The following KLHL29 variants were observed in gnomAD, a reference collection of about 807,000 sequenced individuals.
KLHL29 encodes kelch like family member 29, also known as kelch-like protein 29.
In KLHL29, 21 loss-of-function variants were observed where a neutral mutation model predicts 80.4. The observed-to-expected ratio is 0.26, with a 90% CI of 0.19 to 0.38. The LOEUF (loss-of-function observed/expected upper bound fraction) is 0.38, where lower values mean the gene tolerates loss of function less well. Ranked by LOEUF, KLHL29 falls within the 10% of genes least tolerant of loss-of-function variation. The pLI is 1.00. For synonymous variants in KLHL29, 511 were observed against 526.8 expected, an observed-to-expected ratio of 0.97 and a Z score of 0.41; for missense variants, 867 against 1,223.9, an observed-to-expected ratio of 0.71 and a Z score of 4.35.
intron 1 of KLHL29, among the ~76,000 whole-genome samples, chr2:23,389,890 TTAGG>T (rs1450978496): frequency 6.6e-6 from 1 of 152,152 alleles, no homozygotes; most frequent in Non-Finnish European, 1.5e-5. Context: ...TGCTAAAAAA[TTAGG>T]TAGCATAATT....
At chr2:23,675,717 ATAAT>A (rs1218598224) in intron 5 of KLHL29, among the ~76,000 whole-genome samples, 1 of 152,212 alleles carries the variant, frequency 6.6e-6, no homozygotes, top group Non-Finnish European at 1.5e-5. Flanking sequence ...GAGGACCTAA[ATAAT>A]TAATGTGCCA....
intron 3 of KLHL29, among the ~76,000 whole-genome samples, chr2:23,592,137 G>A (rs1558400793): frequency 6.6e-6 from 1 of 152,250 alleles, no homozygotes; most frequent in South Asian, 2.1e-4. Context: ...AGACCCTCTG[G>A]AGGGGCCCAT....
intron 2 of KLHL29, among the ~76,000 whole-genome samples, chr2:23,546,583 G>C (rs1484854081): frequency 6.6e-6 from 1 of 152,146 alleles, no homozygotes; most frequent in Non-Finnish European, 1.5e-5. Flanking sequence ...AAAAGCTTTG[G>C]GCTGACTATA....
At chr2:23,661,863 C>T (rs1032453157) in intron 5 of KLHL29, among the ~76,000 whole-genome samples, 3 of 152,252 alleles carry the variant, frequency 2.0e-5, no homozygotes, top group Admixed American at 6.5e-5. Context: ...GCCAGCCAAA[C>T]GGTGCCTGCC....
At chr2:23,525,539 A>G (rs957224071) in intron 2 of KLHL29, among the ~76,000 whole-genome samples, 3 of 152,150 alleles carry the variant, frequency 2.0e-5, no homozygotes, top group Admixed American at 6.5e-5. Flanking sequence ...ACCAGCAGCC[A>G]AGGGACAGTT....
intron 1 of KLHL29, among the ~76,000 whole-genome samples, chr2:23,450,847 AG>A (rs1293224724): frequency 2.6e-5 from 4 of 152,236 alleles, no homozygotes; most frequent in Non-Finnish European, 5.9e-5. Context: ...CTTATATTAG[AG>A]CATTTTCATC....
Position 23,695,996 on chromosome 2 carries a change from G to T in KLHL29, c.1787G>T (p.Gly596Val). ...IVLVGGRQMV[G>V]MTQRSLVAVT... Reference sequence around the variant, plus strand: ...TTGGTTGGGGGCCGTCAGATGGTGGGGATGACCCAGCGCTCGCTGGTGGCC... The same window carrying T: ...TTGGTTGGGGGCCGTCAGATGGTGGTGATGACCCAGCGCTCGCTGGTGGCC... The change falls in exon 10 of 14, where the codon GGG becomes GTG. Residue 596 changes from glycine (G) to valine (V), a missense_variant. By Grantham distance (109) the Gly-to-Val change is moderately radical. Coordinates refer to ENST00000486442, the MANE Select transcript of KLHL29 (RefSeq NM_052920.2). The surrounding 1 kb of genome is among the most constrained non-coding windows in gnomAD (Gnocchi z 7.6). The T allele has an allele frequency of 6.4e-7, 1 of 1,551,668 alleles. No individual in the cohort carries two copies. Among genetic ancestry groups the T allele is most frequent in the East Asian group, 2.4e-5 (1 of 40,922 alleles).
rs373505631 is a variant in KLHL29 at position 23,596,401 on chromosome 2, T to C, written c.285+33920T>C. On this transcript the variant is annotated intron_variant, in intron 3 of 13. Coordinates refer to ENST00000486442, the MANE Select transcript of KLHL29 (RefSeq NM_052920.2). The surrounding 1 kb of genome is among the most constrained non-coding windows in gnomAD (Gnocchi z 4.4). ...CCGAGCAGAGGTCTTGGTGTCCTGG[T>C]GGCTGCATCCCAGGGGAGAGGAAGG... Among the ~76,000 whole-genome samples the C allele has an allele frequency of 2.0e-3, 304 of 152,314 alleles. 14 individuals are homozygous for C. The South Asian group carries it at 0.059, about 30-fold the overall frequency.
At chr2:23,481,893 G>A (rs912221880) in intron 2 of KLHL29, among the ~76,000 whole-genome samples, 24 of 143,028 alleles carry the variant, frequency 1.7e-4, no homozygotes, top group Non-Finnish European at 3.4e-4. Flanking sequence ...CTGCAATCTG[G>A]GTGACAGGTT....
At position 23,503,706 on chromosome 2, in the gene KLHL29, C is replaced by T. The variant is rs190307275; in HGVS notation, c.-46+28039C>T. Among the ~76,000 whole-genome samples, 381 of 152,294 alleles carry T rather than the reference C, an allele frequency of 2.5e-3. No homozygotes were observed. Among genetic ancestry groups the T allele is most frequent in the African/African-American group, 7.8e-3 (326 of 41,556 alleles). ...CAGGCCCCCATGGATAAAATAGGGC[C>T]ACAGGTGACAAGTGAGTTCTGTGAC... On this transcript the variant is annotated intron_variant, in intron 2 of 13. Coordinates refer to ENST00000486442, the MANE Select transcript of KLHL29 (RefSeq NM_052920.2). The surrounding 1 kb of genome is among the most constrained non-coding windows in gnomAD (Gnocchi z 4.0).
At chr2:23,531,212 G>A (rs760614208) in intron 2 of KLHL29, among the ~76,000 whole-genome samples, 3 of 152,264 alleles carry the variant, frequency 2.0e-5, no homozygotes, top group African/African-American at 2.4e-5. Flanking sequence ...TCATTGCCAC[G>A]TGGTGGCCAG....
chr2:23,551,971 C>A (rs550765321), intron 2 of KLHL29, among the ~76,000 whole-genome samples: 1 of 152,222 alleles, frequency 6.6e-6, no homozygotes, highest in African/African-American at 2.4e-5. Context: ...TTATAAAATG[C>A]GAAGGTCAGT....
chr2:23,483,411 G>T (rs1171617493), intron 2 of KLHL29, among the ~76,000 whole-genome samples: 3 of 152,236 alleles, frequency 2.0e-5, no homozygotes, highest in Admixed American at 2.0e-4. Flanking sequence ...GGGAGACACA[G>T]CCTTGAATGC....
intron 1 of KLHL29, among the ~76,000 whole-genome samples, chr2:23,435,391 T>G (rs1663309661): frequency 6.6e-6 from 1 of 152,124 alleles, no homozygotes; most frequent in Non-Finnish European, 1.5e-5. Flanking sequence ...TGAGCTAGGC[T>G]GGATCAGGGA....
At chr2:23,693,120 CAGGAAGGGGGCCTGCAGG>C in intron 7 of KLHL29, 131 bp from the exon 8 acceptor site, 1 of 935,018 alleles carries the variant, frequency 1.1e-6, no homozygotes, top group Non-Finnish European at 1.5e-6. Flanking sequence ...TCCAGACACC[CAGGAAGGGGGCCTGCAGG>C]GACTCTGGAC....
intron 2 of KLHL29, among the ~76,000 whole-genome samples, chr2:23,546,249 A>T (rs908272819): frequency 3.3e-5 from 5 of 152,204 alleles, no homozygotes; most frequent in Non-Finnish European, 5.9e-5. Flanking sequence ...CACCCAGGCA[A>T]CTGGCAGGGG....
At chr2:23,611,948 A>G (rs985597817) in intron 3 of KLHL29, among the ~76,000 whole-genome samples, 2 of 152,088 alleles carry the variant, frequency 1.3e-5, no homozygotes, top group African/African-American at 4.8e-5. Context: ...TTAAGTAAAG[A>G]GAGACCAGAG....
chr2:23,406,930 TA>T (rs1192019813), intron 1 of KLHL29, among the ~76,000 whole-genome samples: 1 of 152,184 alleles, frequency 6.6e-6, no homozygotes, highest in Non-Finnish European at 1.5e-5. Context: ...CACCCAGAGA[TA>T]AAAAAACAAT....
chr2:23,505,654 A>G (rs998379926), intron 2 of KLHL29, among the ~76,000 whole-genome samples: 28 of 152,332 alleles, frequency 1.8e-4, no homozygotes, highest in African/African-American at 6.0e-4. Context: ...AGTCCTCCCA[A>G]GTACCCCTGG....
Sources: allele counts gnomAD v4.1 joint callset (sites outside exome capture counted in the v4.1 genomes callset), GRCh38; gene constraint gnomAD v4.1.1; non-coding constraint Gnocchi (gnomAD v3.1); transcripts MANE v1.5; gene names NCBI Gene and HGNC (gene_info 2026-07-23, HGNC 2026-07-21).